Variants in VGLL4 observed in about 807,000 individuals in gnomAD.
VGLL4 encodes the protein transcription cofactor vestigial-like protein 4.
Under a neutral mutation model 21.0 loss-of-function variants are expected in VGLL4, and 7 were observed. The ratio of observed to expected loss-of-function variants is 0.33; its 90% CI spans 0.19 to 0.63. The LOEUF is 0.63. VGLL4 is among the 20% of genes least tolerant of loss of function. VGLL4 has a pLI of 0.78. For synonymous variants in VGLL4, 222 were observed against 173.2 expected (o/e 1.28, Z -2.21); for missense variants, 394 against 425.7 (o/e 0.93, Z 0.66).
intron 1 of VGLL4, among the ~76,000 whole-genome samples, chr3:11,704,121 C>T (rs2076723125): frequency 6.6e-6 from 1 of 152,128 alleles, no homozygotes; most frequent in Non-Finnish European, 1.5e-5. Flanking sequence ...TGGCTCACGC[C>T]TGTAATCCCA....
At chr3:11,639,294 C>T (rs1290149177) in intron 1 of VGLL4, among the ~76,000 whole-genome samples, 3 of 152,242 alleles carry the variant, frequency 2.0e-5, no homozygotes, top group African/African-American at 7.2e-5. Context: ...CTGGCATCCA[C>T]GCAGGCCTCC....
In VGLL4 at chr3:11,564,953, G is replaced by A. The variant is rs375213886; in HGVS notation, c.339C>T (p.Arg113=). 312 of 1,567,832 alleles carry A rather than the reference G, an allele frequency of 2.0e-4. No homozygotes were observed. Among genetic ancestry groups the A allele is most frequent in the Admixed American group, 8.6e-4 (45 of 52,040 alleles). Residue 113 remains arginine (R), a synonymous_variant, in exon 3 of 5, where the codon CGC becomes CGT. Coordinates refer to ENST00000430365, the MANE Select transcript of VGLL4 (RefSeq NM_001128219.3). ...PRERSRSPIE[R]AVAPTMSLHG... is the part of the protein sequence containing the mutation. ...GCAGGCTCATGGTGGGGGCCACAGC[G>A]CGCTCGATGGGGCTGCGGCTCCGCT...
intron 2 of VGLL4, among the ~76,000 whole-genome samples, chr3:11,576,673 C>G (rs964326994): frequency 6.6e-6 from 1 of 152,198 alleles, no homozygotes; most frequent in Non-Finnish European, 1.5e-5. Flanking sequence ...TAAGACCATC[C>G]AGTGCTAGTC....
chr3:11,708,524 G>T (rs868655100), intron 1 of VGLL4, among the ~76,000 whole-genome samples: 1 of 152,234 alleles, frequency 6.6e-6, no homozygotes. Context: ...ACAGGGCCAG[G>T]TCACGTGTGC....
At chr3:11,569,333 G>A (rs2073679674) in intron 2 of VGLL4, among the ~76,000 whole-genome samples, 1 of 152,146 alleles carries the variant, frequency 6.6e-6, no homozygotes, top group African/African-American at 2.4e-5. Flanking sequence ...GACATTTTGA[G>A]GATACATTCT....
intron 1 of VGLL4, among the ~76,000 whole-genome samples, chr3:11,602,609 CA>C (rs2074834327): frequency 6.6e-6 from 1 of 152,124 alleles, no homozygotes; most frequent in Non-Finnish European, 1.5e-5. Flanking sequence ...CTAAATATTG[CA>C]CATTAAAATA....
In VGLL4 at chr3:11,574,071, C is replaced by A. The variant is rs140370356; in HGVS notation, c.273-9052G>T. Among the ~76,000 whole-genome samples the A allele has an allele frequency of 1.8e-4, 28 of 152,296 alleles. No individual in the cohort carries two copies. The South Asian group carries it at 5.2e-3, about 28-fold the overall frequency. On this transcript the variant is annotated intron_variant, in intron 2 of 4. Coordinates refer to ENST00000430365, the MANE Select transcript of VGLL4 (RefSeq NM_001128219.3). ...CTGCACAGACGCTCCCCACAGCCCTCAGAAGCAGCCAGCCCTGCTGACACC... is the reference window on the plus strand; with the variant it reads ...CTGCACAGACGCTCCCCACAGCCCTAAGAAGCAGCCAGCCCTGCTGACACC...
At chr3:11,594,597 C>A (rs920653719) in intron 2 of VGLL4, among the ~76,000 whole-genome samples, 1 of 152,256 alleles carries the variant, frequency 6.6e-6, no homozygotes, top group Non-Finnish European at 1.5e-5. Flanking sequence ...GAATGACTCT[C>A]ACAACCGATA....
chr3:11,585,541 G>T (rs888552650), intron 2 of VGLL4, among the ~76,000 whole-genome samples: 1 of 152,044 alleles, frequency 6.6e-6, no homozygotes, highest in Admixed American at 6.5e-5. Context: ...AATCTATTAT[G>T]GTCTTGTTTC....
chr3:11,596,575 C>T (rs1026649317), intron 2 of VGLL4, among the ~76,000 whole-genome samples: 3 of 152,064 alleles, frequency 2.0e-5, no homozygotes, highest in African/African-American at 4.8e-5. Flanking sequence ...TGGAGCATCG[C>T]CAGGAACTCA....
rs768970246 is a variant in VGLL4, at chr3:11,574,783, A to ATGTGTGTGTGTGTGTG, written c.273-9765_273-9764insCACACACACACACACA. Among the ~76,000 whole-genome samples, 20 of 111,776 alleles carry ATGTGTGTGTGTGTGTG rather than the reference A, an allele frequency of 1.8e-4. 1 individual carries two copies. The highest frequency in any genetic ancestry group is 6.7e-4 in the South Asian group (2 of 2,996). The allele number at this position is 111,776 out of a possible 152,430, so 73.3% of individuals were successfully genotyped here. A position where few individuals can be genotyped will look rare whatever the true frequency, so the allele number is the denominator to read the frequency against. On this transcript the variant is annotated intron_variant, in intron 2 of 4. Transcript: ENST00000430365. ...GTACAATTACTGTCAATTCAACTAT[A>ATGTGTGTGTGTGTGTG]TATGTGTGTGTGTGTGTGTGTGTGT...
intron 2 of VGLL4, among the ~76,000 whole-genome samples, chr3:11,596,404 T>G (rs1222620494): frequency 6.6e-6 from 1 of 152,222 alleles, no homozygotes; most frequent in African/African-American, 2.4e-5. Flanking sequence ...TTTAGTTTGT[T>G]TTTCAAAGTG....
chr3:11,585,107 A>G (rs947884399), intron 2 of VGLL4, among the ~76,000 whole-genome samples: 23 of 152,298 alleles, frequency 1.5e-4, no homozygotes, highest in Admixed American at 1.2e-3. Context: ...ACATGCCCCA[A>G]CACACACTTA....
At chr3:11,619,313 C>T (rs928116516) in intron 1 of VGLL4, among the ~76,000 whole-genome samples, 1 of 152,182 alleles carries the variant, frequency 6.6e-6, no homozygotes, top group African/African-American at 2.4e-5. Flanking sequence ...AACATAACGA[C>T]AAACATGCAT....
At chr3:11,698,906 T>A (rs552772737) in intron 2 of VGLL4, among the ~76,000 whole-genome samples, 2 of 152,200 alleles carry the variant, frequency 1.3e-5, no homozygotes, top group Non-Finnish European at 1.5e-5. Flanking sequence ...AACAATAACA[T>A]CCTCAAAAAT....
chr3:11,588,602 C>T (rs2074413422), intron 2 of VGLL4, among the ~76,000 whole-genome samples: 1 of 152,230 alleles, frequency 6.6e-6, no homozygotes, highest in Non-Finnish European at 1.5e-5. Flanking sequence ...CACTGCCGTG[C>T]AAACAGGGGG....
chr3:11,675,423 C>T (rs1354568526), intron 2 of VGLL4, among the ~76,000 whole-genome samples: 6 of 152,098 alleles, frequency 3.9e-5, no homozygotes, highest in African/African-American at 2.4e-5. Context: ...GTGCTTACTA[C>T]ATTCAGGGGT....
intron 2 of VGLL4, among the ~76,000 whole-genome samples, chr3:11,661,469 T>TTATC (rs1476899977): frequency 3.6e-5 from 5 of 139,520 alleles, no homozygotes; most frequent in East Asian, 4.0e-4. Flanking sequence ...ATTTATCTAT[T>TTATC]TATTTATTTA....
intron 2 of VGLL4, among the ~76,000 whole-genome samples, chr3:11,570,320 C>T (rs1391338239): frequency 1.3e-5 from 2 of 152,154 alleles, no homozygotes; most frequent in Non-Finnish European, 2.9e-5. Context: ...TTCCACCCAC[C>T]TTCCTGCCCC....
Sources: allele counts gnomAD v4.1 joint callset (sites outside exome capture counted in the v4.1 genomes callset), GRCh38; gene constraint gnomAD v4.1.1; transcripts MANE v1.5; gene names NCBI Gene and HGNC (gene_info 2026-07-23, HGNC 2026-07-21).